Variants in PHLDB1 observed in about 807,000 individuals in gnomAD.
The protein encoded by PHLDB1 is pleckstrin homology like domain family B member 1.
A neutral mutation model predicts 139.3 loss-of-function variants in PHLDB1; 65 were observed. The observed-to-expected ratio is 0.47, with a 90% CI of 0.38 to 0.57. PHLDB1 has a LOEUF of 0.57. PHLDB1 is among the 20% of genes least tolerant of loss of function. The probability of loss-of-function intolerance (pLI) is 0.00; values close to 1 mark genes in which losing one functional copy is unlikely to be tolerated. For missense variants in PHLDB1, 1,624 were observed against 1,839.7 expected (o/e 0.88, Z 2.14); for synonymous variants, 679 against 734.5 (o/e 0.92, Z 1.22).
At chr11:118,616,405 C>T (rs1034929018) in intron 4 of PHLDB1, among the ~76,000 whole-genome samples, 194 bp downstream of exon 4, 1 of 152,198 alleles carries the variant, frequency 6.6e-6, no homozygotes, top group African/African-American at 2.4e-5. Context: ...TGTTTTCAAC[C>T]TGCTTTTCTT....
intron 22 of PHLDB1, 57 bp from the exon 23 acceptor site, chr11:118,656,626 G>A: frequency 6.4e-7 from 1 of 1,568,726 alleles, no homozygotes; most frequent in Non-Finnish European, 8.7e-7. Flanking sequence ...AGGCAGGTGA[G>A]AATATTCCTG....
At chr11:118,655,748 C>A in intron 21 of PHLDB1, 58 bp downstream of exon 21, 1 of 1,501,802 alleles carries the variant, frequency 6.7e-7, no homozygotes, top group Middle Eastern at 1.7e-4. Context: ...GAAGGGGTGG[C>A]CTGGTGGGGC....
chr11:118,612,091 G>A (rs1940538387), intron 1 of PHLDB1, among the ~76,000 whole-genome samples: 1 of 115,392 alleles, frequency 8.7e-6, no homozygotes, highest in Non-Finnish European at 1.7e-5. Flanking sequence ...CCCTTTTACA[G>A]TCACTCCTCA....
Position 118,639,239 on chromosome 11 carries a change from G to A in PHLDB1, c.2724G>A (p.Ser908=), listed in dbSNP as rs150899874. ...GCAGGCCTTTCCCGAAGACCACATC[G>A]ACCCTCAAAGAGGTATCATGATTGG... The part of the protein sequence containing the change: ...TGGRPFPKTT[S]TLKEMEKLLL... Residue 908 remains serine, a synonymous_variant, in exon 12 of 23, where the codon TCG becomes TCA. Transcript: ENST00000600882. 106 of 1,613,026 alleles carry A rather than the reference G, an allele frequency of 6.6e-5. No homozygotes were observed. Among genetic ancestry groups the A allele is most frequent in the Non-Finnish European group, 8.1e-5 (96 of 1,179,088 alleles).
At chr11:118,616,233 T>G (rs781970100) in intron 4 of PHLDB1, 22 bp downstream of exon 4, 1 of 1,609,496 alleles carries the variant, frequency 6.2e-7, no homozygotes. Flanking sequence ...CACCTCCAGA[T>G]GGAGGGGGCC....
chr11:118,655,751 G>C, intron 21 of PHLDB1, 61 bp downstream of exon 21: 22 of 1,508,344 alleles, frequency 1.5e-5, no homozygotes, highest in Non-Finnish European at 1.9e-5. Context: ...GGGGTGGCCT[G>C]GTGGGGCTCT....
upstream of PHLDB1, chr11:118,606,525 C>T (rs553251536): frequency 6.6e-6 from 1 of 152,460 alleles, no homozygotes; most frequent in South Asian, 2.1e-4. Flanking sequence ...GGAATTTAGA[C>T]CAGACTTACA....
chr11:118,629,855 T>C, intron 6 of PHLDB1: 1 of 394,946 alleles, frequency 2.5e-6, no homozygotes, highest in South Asian at 2.1e-5. Flanking sequence ...CCCACCCCCA[T>C]TCCCACACAT....
In PHLDB1 at chr11:118,645,975, T is replaced by C. The variant is rs981430476; in HGVS notation, c.3507+150T>C. Reference sequence around the variant, plus strand: ...GTAGAAAATGTTTTAAAAGGTTGTATTCTGGCCGGGCGCGGTGGCTCATGC... The same window carrying C: ...GTAGAAAATGTTTTAAAAGGTTGTACTCTGGCCGGGCGCGGTGGCTCATGC... On this transcript the variant is annotated intron_variant, in intron 17 of 22. Coordinates refer to ENST00000600882, the MANE Select transcript of PHLDB1 (RefSeq NM_001144758.3). This position sits in a 1 kb window ranked among gnomAD's most constrained non-coding sequence, Gnocchi z 5.1. 2 of 664,356 alleles carry C rather than the reference T, an allele frequency of 3.0e-6. No homozygotes were observed. Among genetic ancestry groups the C allele is most frequent in the Non-Finnish European group, 5.4e-6 (2 of 369,586 alleles). The allele number at this position is 664,356 out of a possible 1,614,324, so 41.2% of individuals were successfully genotyped here. A position where few individuals can be genotyped will look rare whatever the true frequency, so the allele number is the denominator to read the frequency against.
At chr11:118,628,703 G>T (rs1944285618) in intron 6 of PHLDB1, 53 bp downstream of exon 6, 1 of 1,521,768 alleles carries the variant, frequency 6.6e-7, no homozygotes, top group Non-Finnish European at 8.8e-7. Flanking sequence ...TCTCTGCCAG[G>T]GCTCGAGCAG....
chr11:118,607,828 C>T (rs1939414570), intron 1 of PHLDB1, 129 bp downstream of exon 1: 1 of 152,470 alleles, frequency 6.6e-6, no homozygotes, highest in African/African-American at 2.4e-5. Flanking sequence ...TCGGCAGAAA[C>T]CCGTGGGGGA....
intron 3 of PHLDB1, chr11:118,614,910 G>C: frequency 2.0e-6 from 1 of 490,776 alleles, no homozygotes; most frequent in South Asian, 2.1e-5. Flanking sequence ...GAAACAAGGA[G>C]GAGAGGCCAG....
In PHLDB1 at chr11:118,611,684, C is replaced by T. The variant is rs913897118; in HGVS notation, c.-21-2132C>T. 8.6e-5 allele frequency among the ~76,000 whole-genome samples: 13 copies of T among 151,938 alleles called. No homozygotes were observed. The highest frequency in any genetic ancestry group is 2.7e-4 in the African/African-American group (11 of 41,352). On this transcript the variant is annotated intron_variant, in intron 1 of 22. Coordinates refer to ENST00000600882, the MANE Select transcript of PHLDB1 (RefSeq NM_001144758.3). The surrounding 1 kb of genome is among the most constrained non-coding windows in gnomAD (Gnocchi z 4.7). ...CAGCCTGACCAACATGGAGAAACCCCGTCTCTACTAAAAATACAAAATTAG... is the reference window on the plus strand; with the variant it reads ...CAGCCTGACCAACATGGAGAAACCCTGTCTCTACTAAAAATACAAAATTAG...
chr11:118,626,773 C>T (rs1943954455), intron 5 of PHLDB1, among the ~76,000 whole-genome samples: 1 of 151,714 alleles, frequency 6.6e-6, no homozygotes, highest in Non-Finnish European at 1.5e-5. Flanking sequence ...CATACCTCAG[C>T]CTCCTGAGTA....
chr11:118,655,577 C>T, intron 20 of PHLDB1, 28 bp from the exon 21 acceptor site: 1 of 1,473,444 alleles, frequency 6.8e-7, no homozygotes, highest in Non-Finnish European at 9.5e-7. Context: ...GTGACCGGCT[C>T]CATAGCCCAC....
In PHLDB1 at chr11:118,611,116, G is replaced by A. The variant is rs1555083603; in HGVS notation, c.-21-2700G>A. Among the ~76,000 whole-genome samples, 1 of 152,214 alleles carries A rather than the reference G, an allele frequency of 6.6e-6. No individual in the cohort carries two copies. ...GTCCCTCGCGTAGCGCCACTCAGCC[G>A]CCGGGGCCAGAGCGGGAGTCAAGGT... On this transcript the variant is annotated intron_variant, in intron 1 of 22. Transcript: ENST00000600882. The surrounding 1 kb of genome is among the most constrained non-coding windows in gnomAD (Gnocchi z 4.7).
Position 118,632,005 on chromosome 11 carries a change from G to A in PHLDB1, c.2193G>A (p.Lys731=). ...TGCTGGGGCACGTGGAGCAGCTCAA[G>A]GTCCGTGTGAAGGAGCTAGAGCAGC... The part of the protein sequence containing the change: ...AQVLGHVEQL[K]VRVKELEQQL... Residue 731 remains lysine, a synonymous_variant, in exon 8 of 23, where the codon AAG becomes AAA. Coordinates refer to ENST00000600882, the MANE Select transcript of PHLDB1 (RefSeq NM_001144758.3). The surrounding 1 kb of genome is among the most constrained non-coding windows in gnomAD (Gnocchi z 5.9). The A allele has an allele frequency of 6.2e-7, 1 of 1,614,144 alleles. No homozygotes were observed. The highest frequency in any genetic ancestry group is 1.7e-5 in the Admixed American group (1 of 60,030).
chr11:118,642,481 C>T, intron 13 of PHLDB1, 87 bp downstream of exon 13: 2 of 1,433,300 alleles, frequency 1.4e-6, no homozygotes, highest in South Asian at 1.3e-5. Flanking sequence ...CACACAGTAC[C>T]ACCTTGAGTG....
At chr11:118,634,239 A>G (rs1945240369) in intron 9 of PHLDB1, 1 of 151,990 alleles carries the variant, frequency 6.6e-6, no homozygotes, top group African/African-American at 2.4e-5. Context: ...AGCCCGAACT[A>G]ATTGCAACCC....
Sources: allele counts gnomAD v4.1 joint callset (sites outside exome capture counted in the v4.1 genomes callset), GRCh38; gene constraint gnomAD v4.1.1; non-coding constraint Gnocchi (gnomAD v3.1); transcripts MANE v1.5; gene names NCBI Gene and HGNC (gene_info 2026-07-23, HGNC 2026-07-21).